The following ZNHIT6 variants were observed in gnomAD, a reference collection of about 807,000 sequenced individuals.
The protein encoded by ZNHIT6 is box C/D snoRNA protein 1.
Under a neutral mutation model 57.2 loss-of-function variants are expected in ZNHIT6, and 45 were observed. That is an observed-to-expected ratio of 0.79 (90% CI 0.62 to 1.01). The LOEUF is 1.01. ZNHIT6 is among the 50% of genes least tolerant of loss of function. ZNHIT6 has a pLI of 0.00. For synonymous variants in ZNHIT6, 188 were observed against 190.0 expected (o/e 0.99, Z 0.09); for missense variants, 528 against 567.3 (o/e 0.93, Z 0.70).
At chr1:85,658,744 G>A (rs1343701969) in intron 8 of ZNHIT6, among the ~76,000 whole-genome samples, 2 of 151,866 alleles carry the variant, frequency 1.3e-5, no homozygotes, top group South Asian at 2.1e-4. Flanking sequence ...GGTGGCACAT[G>A]CCTGTAATCA....
intron 8 of ZNHIT6, among the ~76,000 whole-genome samples, chr1:85,669,431 A>G (rs1395564101): frequency 6.6e-6 from 1 of 152,228 alleles, no homozygotes; most frequent in Non-Finnish European, 1.5e-5. Flanking sequence ...TCCTCTCAGC[A>G]TGGAAATAAA....
intron 1 of ZNHIT6, among the ~76,000 whole-genome samples, chr1:85,707,166 T>C (rs1662707356): frequency 1.3e-5 from 2 of 152,184 alleles, no homozygotes; most frequent in African/African-American, 4.8e-5. Context: ...CTAAGGAAAT[T>C]CAATCAAAAG....
intron 6 of ZNHIT6, among the ~76,000 whole-genome samples, chr1:85,679,563 GTT>G (rs35523771): frequency 2.0e-4 from 27 of 135,288 alleles, no homozygotes; most frequent in African/African-American, 4.6e-4. Flanking sequence ...ACATTAAAAT[GTT>G]TTTTTTTTTT....
intron 5 of ZNHIT6, among the ~76,000 whole-genome samples, chr1:85,688,932 G>T (rs1662138829): frequency 6.6e-6 from 1 of 152,160 alleles, no homozygotes; most frequent in African/African-American, 2.4e-5. Context: ...AGTTATGAGA[G>T]TCAAAATGTC....
chr1:85,703,369 A>C (rs1662590162), intron 4 of ZNHIT6, among the ~76,000 whole-genome samples: 1 of 152,190 alleles, frequency 6.6e-6, no homozygotes, highest in South Asian at 2.1e-4. Context: ...AAGTGGGAGG[A>C]CTTAATCAGA....
At position 85,652,756 on chromosome 1, in the gene ZNHIT6, TAATG is replaced by T. The variant is rs1348049924; in HGVS notation, c.*1298_*1301del. 1 of 152,214 alleles carries T rather than the reference TAATG, an allele frequency of 6.6e-6. No individual in the cohort carries two copies. The highest frequency in any genetic ancestry group is 1.5e-5 in the Non-Finnish European group (1 of 68,034). 9.4% of individuals were successfully genotyped at this position (152,214 alleles called of 1,614,324 possible). ...AACTGTAACTAAAAATCAATTTCAT[TAATG>T]TCCAGTTTTATCATTGCTTTTTAAC... is the stretch of plus-strand genomic sequence containing the variant. On this transcript the variant is annotated 3_prime_UTR_variant, in exon 10 of 10. Coordinates refer to ENST00000370574, the MANE Select transcript of ZNHIT6 (RefSeq NM_017953.4).
chr1:85,707,618 C>G lies in ZNHIT6; in HGVS notation c.656+11G>C, dbSNP rs766406473. The G allele has an allele frequency of 6.5e-7, 1 of 1,537,972 alleles. No homozygotes were observed. The highest frequency in any genetic ancestry group is 2.1e-5 in the Admixed American group (1 of 47,186). ...GCTTTATTCCCCTAAATGGAATCCC[C>G]CATGCCCTACCTTGACATGGCCAGT... On this transcript the variant is annotated intron_variant, in intron 1 of 9. Coordinates refer to ENST00000370574, the MANE Select transcript of ZNHIT6 (RefSeq NM_017953.4).
intron 5 of ZNHIT6, among the ~76,000 whole-genome samples, chr1:85,684,154 A>T (rs1388183775): frequency 6.6e-6 from 1 of 152,198 alleles, no homozygotes; most frequent in Non-Finnish European, 1.5e-5. Context: ...TACTATACCT[A>T]GTATATTCTA....
intron 5 of ZNHIT6, among the ~76,000 whole-genome samples, chr1:85,683,051 T>C (rs897915572): frequency 6.6e-6 from 1 of 151,650 alleles, no homozygotes; most frequent in Non-Finnish European, 1.5e-5. Flanking sequence ...ACCCCATCTC[T>C]ACAAAAAATA....
At position 85,708,269 on chromosome 1, in the gene ZNHIT6, C is replaced by T. The variant is rs1662754874; in HGVS notation, c.16G>A (p.Glu6Lys). The T allele has an allele frequency of 1.2e-6, 2 of 1,600,500 alleles. No homozygotes were observed. Among genetic ancestry groups the T allele is most frequent in the African/African-American group, 2.7e-5 (2 of 74,842 alleles). ...CCTCCCCCAGACTTCCCTTCATTTT[C>T]AGCAGCAAACTCCATCAACTCACGA... MEFAA[E>K]NEGKSGGGLH... Residue 6 changes from glutamate to lysine, a missense_variant, in exon 1 of 10, where the codon GAA becomes AAA. Glu to Lys is a moderately conservative substitution (Grantham distance 56, BLOSUM62 1). Coordinates refer to ENST00000370574, the MANE Select transcript of ZNHIT6 (RefSeq NM_017953.4).
chr1:85,703,109 T>C (rs760039698), intron 4 of ZNHIT6, among the ~76,000 whole-genome samples: 18 of 152,176 alleles, frequency 1.2e-4, no homozygotes, highest in Non-Finnish European at 2.2e-4. Context: ...GACTTTAGTT[T>C]CAGTAATGGT....
intron 8 of ZNHIT6, among the ~76,000 whole-genome samples, chr1:85,665,835 C>T (rs1235001317): frequency 6.6e-6 from 1 of 152,162 alleles, no homozygotes; most frequent in Admixed American, 6.5e-5. Context: ...AGAGGTTCAA[C>T]AGTCCATGAA....
In ZNHIT6 at chr1:85,649,563, T is replaced by C. The variant is rs1413452638; in HGVS notation, c.*4495A>G. On this transcript the variant is annotated 3_prime_UTR_variant, in exon 10 of 10. Transcript: ENST00000370574. ...CACACTCCAGTATGGAAAATGTTCA[T>C]GTTATAGGTCATTTTAATGAACACA... 1 of 152,208 alleles carries C rather than the reference T, an allele frequency of 6.6e-6. No homozygotes were observed. The highest frequency in any genetic ancestry group is 1.5e-5 in the Non-Finnish European group (1 of 68,046). The allele number at this position is 152,208 out of a possible 1,614,324, so 9.4% of individuals were successfully genotyped here. A position where few individuals can be genotyped will look rare whatever the true frequency, so the allele number is the denominator to read the frequency against.
At chr1:85,675,830 C>G (rs556982207) in intron 8 of ZNHIT6, among the ~76,000 whole-genome samples, 89 of 152,286 alleles carry the variant, frequency 5.8e-4, no homozygotes, top group Non-Finnish European at 7.5e-4. Context: ...CCACACATAA[C>G]CCACAGGTTA....
intron 5 of ZNHIT6, among the ~76,000 whole-genome samples, chr1:85,698,869 C>G (rs1662452814): frequency 6.6e-6 from 1 of 152,098 alleles, no homozygotes; most frequent in African/African-American, 2.4e-5. Flanking sequence ...ATGGAATATA[C>G]AGTAAATGTG....
intron 6 of ZNHIT6, among the ~76,000 whole-genome samples, chr1:85,679,682 T>C (rs987558727): frequency 1.3e-5 from 2 of 151,656 alleles, no homozygotes; most frequent in African/African-American, 4.9e-5. Flanking sequence ...CCTCCTGCAT[T>C]TAAGCTATTC....
At chr1:85,672,104 C>A (rs1213186179) in intron 8 of ZNHIT6, among the ~76,000 whole-genome samples, 1 of 152,074 alleles carries the variant, frequency 6.6e-6, no homozygotes, top group South Asian at 2.1e-4. Context: ...AGAGTAAGGT[C>A]ATTCTTTTCA....
intron 8 of ZNHIT6, among the ~76,000 whole-genome samples, chr1:85,663,826 C>A (rs1156392918): frequency 6.6e-6 from 1 of 152,158 alleles, no homozygotes; most frequent in African/African-American, 2.4e-5. Context: ...AAATGAAATT[C>A]CTGGTTGAAG....
rs577724333 is a variant in ZNHIT6, at chr1:85,680,978, T to C, written c.1020-74A>G. On this transcript the variant is annotated intron_variant, in intron 5 of 9. Transcript: ENST00000370574. The stretch of plus-strand genomic sequence containing the variant: ...TGGATGCAAATTGAACTTTCTAAAT[T>C]TTCACTTTAAGATAATTCCAAAATT... The C allele has an allele frequency of 1.0e-5, 12 of 1,147,906 alleles. No individual in the cohort carries two copies. The South Asian group carries it at 1.3e-4, about 12-fold the overall frequency. 71.1% of individuals were successfully genotyped at this position (1,147,906 alleles called of 1,614,324 possible). A position where few individuals can be genotyped will look rare whatever the true frequency, so the allele number is the denominator to read the frequency against.
Sources: allele counts gnomAD v4.1 joint callset (sites outside exome capture counted in the v4.1 genomes callset), GRCh38; gene constraint gnomAD v4.1.1; transcripts MANE v1.5; gene names NCBI Gene and HGNC (gene_info 2026-07-23, HGNC 2026-07-21).